TRIM24: variants seen among roughly 807,000 people sequenced by gnomAD.
The protein encoded by TRIM24 is tripartite motif containing 24.
A neutral mutation model predicts 123.9 loss-of-function variants in TRIM24; 29 were observed. That is an observed-to-expected ratio of 0.23 (90% CI 0.17 to 0.32). TRIM24 has a LOEUF of 0.32. Among genes scored for constraint, TRIM24 ranks in the 10% least tolerant of loss-of-function variants. TRIM24 has a pLI of 1.00. For missense variants in TRIM24, 932 were observed against 1,295.3 expected (o/e 0.72, Z 4.31); for synonymous variants, 456 against 461.1 (o/e 0.99, Z 0.14).
intron 7 of TRIM24, among the ~76,000 whole-genome samples, chr7:138,539,842 C>T (rs1472003064): frequency 6.7e-6 from 1 of 149,978 alleles, no homozygotes; most frequent in Non-Finnish European, 1.5e-5. Context: ...ACTCTGTCGC[C>T]CAGGCTGGAG....
At chr7:138,495,787 C>T (rs1795892931) in intron 1 of TRIM24, among the ~76,000 whole-genome samples, 1 of 152,150 alleles carries the variant, frequency 6.6e-6, no homozygotes, top group South Asian at 2.1e-4. Context: ...TTTTATTCTA[C>T]TTGAGAGTCA....
At chr7:138,498,326 G>A (rs538856462) in intron 1 of TRIM24, among the ~76,000 whole-genome samples, 1 of 152,252 alleles carries the variant, frequency 6.6e-6, no homozygotes, top group East Asian at 1.9e-4. Flanking sequence ...CTGGGTTCAA[G>A]CCATCCTCCT....
In TRIM24 at chr7:138,467,327, GTGTTTTGTTT is replaced by G. The variant is rs751705080; in HGVS notation, c.364+6437_364+6446del. On this transcript the variant is annotated intron_variant, in intron 1 of 18. Coordinates refer to ENST00000343526, the MANE Select transcript of TRIM24 (RefSeq NM_015905.3). ...GATATCAATTTGGGTAAGGGGGAAT[GTGTTTTGTTT>G]TGTTTTGTTTTGTTTTGTTTTTTTG... Among the ~76,000 whole-genome samples the G allele has an allele frequency of 1.0e-3, 129 of 128,708 alleles. 1 individual carries two copies. The highest frequency in any genetic ancestry group is 3.9e-4 in the East Asian group (2 of 5,160). 84.4% of individuals were successfully genotyped at this position (128,708 alleles called of 152,430 possible).
At chr7:138,574,257 TTTAA>T (rs1170525698) in intron 12 of TRIM24, among the ~76,000 whole-genome samples, 1 of 152,222 alleles carries the variant, frequency 6.6e-6, no homozygotes, top group Admixed American at 6.5e-5. Context: ...TTGTTTGGTG[TTTAA>T]TTGTGTTTGT....
intron 2 of TRIM24, among the ~76,000 whole-genome samples, chr7:138,513,424 T>G (rs1796329975): frequency 6.6e-6 from 1 of 152,124 alleles, no homozygotes; most frequent in African/African-American, 2.4e-5. Flanking sequence ...CTGGGTAACT[T>G]ATAAAGAAAA....
At chr7:138,473,780 C>A (rs1203333852) in intron 1 of TRIM24, among the ~76,000 whole-genome samples, 3 of 152,178 alleles carry the variant, frequency 2.0e-5, no homozygotes, top group Non-Finnish European at 4.4e-5. Context: ...TTCTTTACTT[C>A]TTTTGACAAT....
chr7:138,565,219 T>C (rs545640675), intron 9 of TRIM24, among the ~76,000 whole-genome samples: 1 of 152,130 alleles, frequency 6.6e-6, no homozygotes, highest in Non-Finnish European at 1.5e-5. Flanking sequence ...CAACTGACTC[T>C]GCAAGCCACT....
chr7:138,584,060 T>C (rs376893119), intron 18 of TRIM24, 61 bp downstream of exon 18: 2 of 1,534,934 alleles, frequency 1.3e-6, no homozygotes. Context: ...ATTTTATTAC[T>C]AAACACCTTG....
At chr7:138,495,531 A>G (rs1324635315) in intron 1 of TRIM24, among the ~76,000 whole-genome samples, 1 of 151,882 alleles carries the variant, frequency 6.6e-6, no homozygotes, top group Non-Finnish European at 1.5e-5. Flanking sequence ...GTCTTTTTTC[A>G]TGATAATTCA....
chr7:138,479,864 G>A (rs1415452111), intron 1 of TRIM24, among the ~76,000 whole-genome samples: 6 of 151,446 alleles, frequency 4.0e-5, no homozygotes, highest in Non-Finnish European at 1.5e-5. Context: ...TTGTTGCCCA[G>A]ACTGGAGTGC....
intron 4 of TRIM24, among the ~76,000 whole-genome samples, chr7:138,522,733 G>A (rs1201500765): frequency 2.0e-5 from 3 of 152,064 alleles, no homozygotes; most frequent in Non-Finnish European, 4.4e-5. Flanking sequence ...GGGTTGAAGG[G>A]CTATGAGGAG....
chr7:138,579,107 AG>A, intron 14 of TRIM24, 96 bp from the exon 15 acceptor site: 1 of 968,370 alleles, frequency 1.0e-6, no homozygotes. Context: ...CCTTTGAAGC[AG>A]CCAGGTGCTC....
intron 1 of TRIM24, among the ~76,000 whole-genome samples, chr7:138,471,783 C>T (rs895468567): frequency 7.9e-5 from 12 of 152,192 alleles, no homozygotes; most frequent in African/African-American, 2.6e-4. Context: ...TCAGGTGATC[C>T]GCCTGCCTCA....
At chr7:138,500,788 A>G (rs1398631989) in intron 1 of TRIM24, among the ~76,000 whole-genome samples, 1 of 152,042 alleles carries the variant, frequency 6.6e-6, no homozygotes, top group Non-Finnish European at 1.5e-5. Flanking sequence ...GGGTGTACTT[A>G]CACAAACCTA....
chr7:138,495,659 G>A (rs1795889940), intron 1 of TRIM24, among the ~76,000 whole-genome samples: 1 of 151,750 alleles, frequency 6.6e-6, no homozygotes, highest in Non-Finnish European at 1.5e-5. Flanking sequence ...TTTTGCCCAG[G>A]CTGGTCTCAA....
intron 1 of TRIM24, among the ~76,000 whole-genome samples, chr7:138,502,619 TA>T (rs1796065792): frequency 6.6e-6 from 1 of 152,186 alleles, no homozygotes; most frequent in African/African-American, 2.4e-5. Context: ...TCCTCATCTG[TA>T]AATTGGGGGT....
chr7:138,479,372 T>C (rs911900557), intron 1 of TRIM24, among the ~76,000 whole-genome samples: 6 of 151,944 alleles, frequency 3.9e-5, no homozygotes, highest in African/African-American at 7.2e-5. Context: ...ACCTTTTTTT[T>C]TTCTTCTTCT....
intron 1 of TRIM24, among the ~76,000 whole-genome samples, chr7:138,461,928 G>C (rs1336442628): frequency 6.6e-6 from 1 of 152,160 alleles, no homozygotes; most frequent in Non-Finnish European, 1.5e-5. Context: ...AATAGATTGT[G>C]GGCTGAGACT....
intron 1 of TRIM24, among the ~76,000 whole-genome samples, chr7:138,483,064 T>C (rs1306058681): frequency 2.0e-5 from 3 of 152,030 alleles, no homozygotes; most frequent in African/African-American, 7.2e-5. Flanking sequence ...ACTACAGGCA[T>C]GTACCACCAT....
Sources: allele counts gnomAD v4.1 joint callset (sites outside exome capture counted in the v4.1 genomes callset), GRCh38; gene constraint gnomAD v4.1.1; transcripts MANE v1.5; gene names NCBI Gene and HGNC (gene_info 2026-07-23, HGNC 2026-07-21).